Variants in DNLZ observed in about 807,000 individuals in gnomAD.
DNLZ encodes the protein DNL-type zinc finger.
A neutral mutation model predicts 7.8 loss-of-function variants in DNLZ; 15 were observed. The observed-to-expected ratio is 1.91, with a 90% CI of 1.28 to 2.95. The LOEUF is 2.95. DNLZ is among the 30% of genes most tolerant of loss of function. The pLI, the probability that DNLZ is intolerant of heterozygous loss-of-function variation, is 0.00. For missense variants in DNLZ, 255 were observed against 167.3 expected, an observed-to-expected ratio of 1.52 and a Z score of -2.89; for synonymous variants, 123 against 77.8, an observed-to-expected ratio of 1.58 and a Z score of -3.05.
rs145299967 is a variant in DNLZ at position 136,363,056 on chromosome 9, G to A, written c.301C>T (p.Pro101Ser). The change falls in exon 2 of 3, where the codon CCC becomes TCC. Residue 101 changes from proline to serine, a missense_variant. Pro to Ser is a moderately conservative substitution (Grantham distance 74). Transcript: ENST00000371738. Reference protein sequence around the residue: ...YHQGVVIVTCPGCQNHHIIAD... With the variant: ...YHQGVVIVTCSGCQNHHIIAD... The stretch of plus-strand genomic sequence containing the variant: ...ATGATATGGTGGTTCTGGCAGCCGG[G>A]GCAGGTCACAATGACCACGCCTTGG... 1,713 of 1,613,794 alleles carry A rather than the reference G, an allele frequency of 1.1e-3. 4 individuals carry two copies. Among genetic ancestry groups the A allele is most frequent in the Admixed American group, 1.1e-3 (66 of 60,024 alleles).
At position 136,363,716 on chromosome 9, in the gene DNLZ, C is replaced by CTCGGCGCGCCG; in HGVS notation, c.-3_-2insCGGCGCGCCGA. On this transcript the variant is annotated 5_prime_UTR_variant, in exon 1 of 3. Transcript: ENST00000371738. ...GCCGCGCAGCGCAGTCCGCAGCATCCCGCTCGCCGGCTCCGTCCGCCCTGC... is the reference window on the plus strand; with the variant it reads ...GCCGCGCAGCGCAGTCCGCAGCATCCTCGGCGCGCCGCGCTCGCCGGCTCCGTCCGCCCTGC... 1 of 472,748 alleles carries CTCGGCGCGCCG rather than the reference C, an allele frequency of 2.1e-6. No individual in the cohort carries two copies. The highest frequency in any genetic ancestry group is 3.7e-6 in the Non-Finnish European group (1 of 270,032). The allele number at this position is 472,748 out of a possible 1,614,324, so 29.3% of individuals were successfully genotyped here.
Position 136,362,991 on chromosome 9 carries a change from C to T in DNLZ, c.366G>A (p.Lys122=), listed in dbSNP as rs765769278. The T allele has an allele frequency of 3.7e-6, 6 of 1,613,676 alleles. No individual in the cohort carries two copies. The highest frequency in any genetic ancestry group is 1.6e-4 in the Middle Eastern group (1 of 6,062). The change falls in exon 2 of 3, where the codon AAG becomes AAA. Residue 122 remains lysine (K), a splice_region_variant and synonymous_variant. Transcript: ENST00000371738. ...NLGWFSDLNG[K]RNIEEILTAR... ...CAGCCCTGGGGTACAGGCCTCACCT[C>T]TTCCCATTCAGGTCCGAGAACCAGC...
chr9:136,362,274 C>G (rs1244495149), intron 2 of DNLZ, 94 bp from the exon 3 acceptor site: 5 of 1,157,620 alleles, frequency 4.3e-6, no homozygotes, highest in Non-Finnish European at 5.7e-6. Flanking sequence ...GCCAGAGCTG[C>G]AAGCACCAGG....
rs758742863 is a variant in DNLZ, at chr9:136,363,001, A to C, written c.356T>G (p.Leu119Arg). Reference sequence around the variant, plus strand: ...GTACAGGCCTCACCTCTTCCCATTCAGGTCCGAGAACCAGCCCAGGTTGTC... The same window carrying C: ...GTACAGGCCTCACCTCTTCCCATTCCGGTCCGAGAACCAGCCCAGGTTGTC... ...IADNLGWFSD[L>R]NGKRNIEEIL... Residue 119 changes from leucine to arginine, a missense_variant, in exon 2 of 3, where the codon CTG becomes CGG. By Grantham distance (102) the Leu-to-Arg change is moderately radical (BLOSUM62 -2). Coordinates refer to ENST00000371738, the MANE Select transcript of DNLZ (RefSeq NM_001080849.3). 5 of 1,613,710 alleles carry C rather than the reference A, an allele frequency of 3.1e-6. No homozygotes were observed. Among genetic ancestry groups the C allele is most frequent in the East Asian group, 2.2e-5 (1 of 44,876 alleles).
chr9:136,363,224 T>C lies in DNLZ; in HGVS notation c.229-96A>G, dbSNP rs544103324. 1.5e-4 allele frequency: 226 copies of C among 1,469,014 alleles called. 3 individuals carry two copies. The South Asian group carries it at 2.7e-3, about 17-fold the overall frequency. 91.0% of individuals were successfully genotyped at this position (1,469,014 alleles called of 1,614,324 possible). On this transcript the variant is annotated intron_variant, in intron 1 of 2. Coordinates refer to ENST00000371738, the MANE Select transcript of DNLZ (RefSeq NM_001080849.3). ...AGGGGTAGCTCCAGCCACCTCACCC[T>C]CTCCAGAGAAGGCCCCGCCCCCGAG...
Position 136,363,735 on chromosome 9 carries a change from G to GCCCTGCCCCGGCCCTGCCCCGGCCCCGC in DNLZ, c.-22_-21insGCGGGGCCGGGGCAGGGCCGGGGCAGGG, listed in dbSNP as rs1279483519. ...AGCATCCCGCTCGCCGGCTCCGTCC[G>GCCCTGCCCCGGCCCTGCCCCGGCCCCGC]CCCTGCCCCGGCCCCGCCCCGCCGC... On this transcript the variant is annotated 5_prime_UTR_variant, in exon 1 of 3. Transcript: ENST00000371738. 27 of 428,492 alleles carry GCCCTGCCCCGGCCCTGCCCCGGCCCCGC rather than the reference G, an allele frequency of 6.3e-5. No homozygotes were observed. Among genetic ancestry groups the GCCCTGCCCCGGCCCTGCCCCGGCCCCGC allele is most frequent in the East Asian group, 1.2e-4 (3 of 25,350 alleles). 26.5% of individuals were successfully genotyped at this position (428,492 alleles called of 1,614,324 possible). A position where few individuals can be genotyped will look rare whatever the true frequency, so the allele number is the denominator to read the frequency against.
In DNLZ at chr9:136,363,115, C is replaced by T. The variant is rs776330118; in HGVS notation, c.242G>A (p.Arg81Lys). ...CAGCTTGGAGATGCGCTTGGAGGAC[C>T]TAGTCCCGCAGACCTGGCTGGGACA... ...LVYTCKVCGT[R>K]SSKRISKLAY... The change falls in exon 2 of 3, where the codon AGG becomes AAG. Residue 81 changes from arginine (R) to lysine (K), a missense_variant. Arg to Lys is a conservative substitution (Grantham distance 26). Transcript: ENST00000371738. The T allele has an allele frequency of 3.1e-6, 5 of 1,613,286 alleles. No homozygotes were observed. The highest frequency in any genetic ancestry group is 4.2e-6 in the Non-Finnish European group (5 of 1,179,992).
chr9:136,362,024 C>A lies in DNLZ; in HGVS notation c.525G>T (p.Thr175=), dbSNP rs538220188. 1.5e-6 allele frequency: 2 copies of A among 1,328,572 alleles called. No homozygotes were observed. The highest frequency in any genetic ancestry group is 2.9e-5 in the East Asian group (1 of 34,388). 82.3% of individuals were successfully genotyped at this position (1,328,572 alleles called of 1,614,324 possible). A position where few individuals can be genotyped will look rare whatever the true frequency, so the allele number is the denominator to read the frequency against. ...GGGAGCGCAGGAGTCAGCTCGGCTC[C>A]GTCTTGCCAGGGCTGGGGGGACCCT... The part of the protein sequence containing the change: ...EDEGPPSPGK[T]EPS The change falls in exon 3 of 3, where the codon ACG becomes ACT. Residue 175 remains threonine (T), a synonymous_variant. Transcript: ENST00000371738.
In DNLZ at chr9:136,363,684, T is replaced by TCGGCGCGCCGCG. The variant is rs1833030700; in HGVS notation, c.19_30dup (p.Gly8_Arg11dup). 2.4e-6 allele frequency: 1 copy of TCGGCGCGCCGCG among 416,504 alleles called. No homozygotes were observed. Among genetic ancestry groups the TCGGCGCGCCGCG allele is most frequent in the Non-Finnish European group, 4.2e-6 (1 of 238,614 alleles). 25.8% of individuals were successfully genotyped at this position (416,504 alleles called of 1,614,324 possible). A position where few individuals can be genotyped will look rare whatever the true frequency, so the allele number is the denominator to read the frequency against. On this transcript the variant is annotated inframe_insertion, in exon 1 of 3. Coordinates refer to ENST00000371738, the MANE Select transcript of DNLZ (RefSeq NM_001080849.3). ...CGGGGCTGCACGCGACTCAGCAACC[T>TCGGCGCGCCGCG]CGGCGCGCCGCGCAGCGCAGTCCGC...
Position 136,363,473 on chromosome 9 carries a change from C to T in DNLZ, c.228+14G>A, listed in dbSNP as rs1290240534. On this transcript the variant is annotated intron_variant, in intron 1 of 2. Coordinates refer to ENST00000371738, the MANE Select transcript of DNLZ (RefSeq NM_001080849.3). ...TACGGGTCTGTCCCCGGTTCCGTCC[C>T]GCCGCGCGCCTACCTTGCAGGTGTA... The T allele has an allele frequency of 1.6e-5, 12 of 762,052 alleles. No individual in the cohort carries two copies. The highest frequency in any genetic ancestry group is 2.9e-5 in the Non-Finnish European group (12 of 416,824). 47.2% of individuals were successfully genotyped at this position (762,052 alleles called of 1,614,324 possible).
At chr9:136,362,690 C>T (rs75276891) in intron 2 of DNLZ, among the ~76,000 whole-genome samples, 1,781 of 152,302 alleles carry the variant, frequency 0.012, 39 homozygotes, top group African/African-American at 0.04. Context: ...AAAAGTTCCA[C>T]GCTAGAGAGG....
In DNLZ at chr9:136,362,154, C is replaced by G. The variant is rs374294658; in HGVS notation, c.395G>C (p.Arg132Thr). ...CGCCACACGGTGCACCTGCTCGCCT[C>G]TGGCCGTCAGGATCTCTTCGATATT... ...KRNIEEILTA[R>T]GEQVHRVAGE... The change falls in exon 3 of 3, where the codon AGA becomes ACA. Residue 132 changes from arginine to threonine, a missense_variant. Arg to Thr is a moderately conservative substitution (Grantham distance 71, BLOSUM62 -1). Transcript: ENST00000371738. 19 of 1,500,988 alleles carry G rather than the reference C, an allele frequency of 1.3e-5. No individual in the cohort carries two copies. The highest frequency in any genetic ancestry group is 5.1e-5 in the Admixed American group (2 of 39,252). 93.0% of individuals were successfully genotyped at this position (1,500,988 alleles called of 1,614,324 possible).
rs1832945833 is a variant in DNLZ, at chr9:136,359,614, G to A, written c.*2398C>T. On this transcript the variant is annotated 3_prime_UTR_variant, in exon 3 of 3. Coordinates refer to ENST00000371738, the MANE Select transcript of DNLZ (RefSeq NM_001080849.3). ...TCGGCCAAGTGAGTGTGGTCCGTAT[G>A]GGCTTAGTCCCGGGTGGGGGCCTAA... 2.6e-5 allele frequency: 4 copies of A among 152,378 alleles called. No homozygotes were observed. The highest frequency in any genetic ancestry group is 1.3e-4 in the Admixed American group (2 of 15,284). 9.4% of individuals were successfully genotyped at this position (152,378 alleles called of 1,614,324 possible). A position where few individuals can be genotyped will look rare whatever the true frequency, so the allele number is the denominator to read the frequency against.
In DNLZ at chr9:136,362,139, T is replaced by C. The variant is rs148558965; in HGVS notation, c.410A>G (p.His137Arg). The C allele has an allele frequency of 6.6e-7, 1 of 1,504,324 alleles. No individual in the cohort carries two copies. Among genetic ancestry groups the C allele is most frequent in the Non-Finnish European group, 8.8e-7 (1 of 1,131,012 alleles). 93.2% of individuals were successfully genotyped at this position (1,504,324 alleles called of 1,614,324 possible). Residue 137 changes from histidine (H) to arginine (R), a missense_variant, in exon 3 of 3, where the codon CAC becomes CGC. His to Arg is a conservative substitution (Grantham distance 29). Transcript: ENST00000371738. ...CAGGGCCCCCTCGCCCGCCACACGG[T>C]GCACCTGCTCGCCTCTGGCCGTCAG... ...EILTARGEQV[H>R]RVAGEGALEL...
rs923692322 is a variant in DNLZ at position 136,363,129 on chromosome 9, C to G, written c.229-1G>C. ...GCTTGGAGGACCTAGTCCCGCAGAC[C>G]TGGCTGGGACAGGGTAGCTGGTGAG... is the stretch of plus-strand genomic sequence containing the variant. On this transcript the variant is annotated splice_acceptor_variant, in intron 1 of 2. Coordinates refer to ENST00000371738, the MANE Select transcript of DNLZ (RefSeq NM_001080849.3). LOFTEE classifies it high-confidence loss of function. 3.1e-6 allele frequency: 5 copies of G among 1,613,100 alleles called. No individual in the cohort carries two copies. The highest frequency in any genetic ancestry group is 1.7e-5 in the Admixed American group (1 of 60,004).
chr9:136,362,202 T>C, intron 2 of DNLZ, 22 bp from the exon 3 acceptor site: 4 of 1,467,564 alleles, frequency 2.7e-6, no homozygotes, highest in Non-Finnish European at 3.6e-6. Flanking sequence ...GGAGGCAACA[T>C]GGCTCTTCAG....
chr9:136,362,245 C>G, intron 2 of DNLZ, 65 bp from the exon 3 acceptor site: 1 of 1,368,738 alleles, frequency 7.3e-7, no homozygotes, highest in Non-Finnish European at 9.6e-7. Flanking sequence ...TCAGTCCCCT[C>G]AGGGCGCCCC....
intron 2 of DNLZ, among the ~76,000 whole-genome samples, 198 bp downstream of exon 2, chr9:136,362,791 C>T (rs1833004323): frequency 1.3e-5 from 2 of 152,232 alleles, no homozygotes; most frequent in Non-Finnish European, 2.9e-5. Flanking sequence ...AACGCACCCC[C>T]TACTTGGGGC....
rs542924365 is a variant in DNLZ at position 136,362,471 on chromosome 9, G to T, written c.369-291C>A. Among the ~76,000 whole-genome samples the T allele has an allele frequency of 2.9e-3, 440 of 152,326 alleles. 1 individual carries two copies. The highest frequency in any genetic ancestry group is 0.01 in the African/African-American group (424 of 41,578). ...TGGGAGGACAGTCCCAGCTCCAAGG[G>T]CCAGGTACCACCAAGCACCTGGCAT... On this transcript the variant is annotated intron_variant, in intron 2 of 2. Transcript: ENST00000371738.
Sources: gnomAD v4.1 joint callset for allele counts (sites outside exome capture counted in the v4.1 genomes callset) on GRCh38, gnomAD v4.1.1 for gene constraint, MANE v1.5 for transcripts, NCBI Gene and HGNC (gene_info 2026-07-23, HGNC 2026-07-21) for gene names.